Variants in EHMT1 observed in about 807,000 individuals in gnomAD.
EHMT1 encodes histone-lysine N-methyltransferase EHMT1.
EHMT1 carries 15 observed loss-of-function variants against 147.2 expected under a neutral mutation model. The ratio of observed to expected loss-of-function variants is 0.10; its 90% CI spans 0.07 to 0.16. The LOEUF (loss-of-function observed/expected upper bound fraction) is 0.16, where lower values mean the gene tolerates loss of function less well. Ranked by LOEUF, EHMT1 falls within the 10% of genes least tolerant of loss-of-function variation. The probability of loss-of-function intolerance (pLI) is 1.00; values close to 1 mark genes in which losing one functional copy is unlikely to be tolerated. For synonymous variants in EHMT1, 795 were observed against 709.6 expected (o/e 1.12, Z -1.91); for missense variants, 1,587 against 1,772.4 (o/e 0.90, Z 1.88).
chr9:137,670,715 T>C lies in EHMT1; in HGVS notation c.22-40252T>C, dbSNP rs993326173. On this transcript the variant is annotated intron_variant, in intron 1 of 26. Transcript: ENST00000460843. ...TCACTGAGGCCCTGCCCCTCCTGGC[T>C]CCAGTTCCTACGGGCCTGTCTGCGC... Among the ~76,000 whole-genome samples, 7 of 152,308 alleles carry C rather than the reference T, an allele frequency of 4.6e-5. No homozygotes were observed. The East Asian group carries it at 1.4e-3, about 29-fold the overall frequency.
Position 137,743,707 on chromosome 9 carries a change from G to A in EHMT1, c.981+179G>A, listed in dbSNP as rs373918501. 1.8e-3 allele frequency among the ~76,000 whole-genome samples: 276 copies of A among 152,262 alleles called. 1 individual carries two copies. The highest frequency in any genetic ancestry group is 6.1e-3 in the African/African-American group (255 of 41,570). Reference sequence around the variant, plus strand: ...AGATCATTGTGGGGGACTCCACCCCGTCCTCCCTGCCCTCCTCACCACAGC... The same window carrying A: ...AGATCATTGTGGGGGACTCCACCCCATCCTCCCTGCCCTCCTCACCACAGC... On this transcript the variant is annotated intron_variant, in intron 5 of 26. Coordinates refer to ENST00000460843, the MANE Select transcript of EHMT1 (RefSeq NM_024757.5).
At chr9:137,830,087 T>C (rs1215162779) in intron 25 of EHMT1, among the ~76,000 whole-genome samples, 2 of 150,764 alleles carry the variant, frequency 1.3e-5, no homozygotes, top group Non-Finnish European at 1.5e-5. Context: ...TAATGTGGGC[T>C]CATGGATTTT....
At chr9:137,728,611 C>T (rs549162838) in intron 4 of EHMT1, 82 bp downstream of exon 4, 2 of 1,567,316 alleles carry the variant, frequency 1.3e-6, no homozygotes, top group Non-Finnish European at 1.8e-6. Flanking sequence ...TTCTGTTTGG[C>T]TGTAAGTGCC....
intron 18 of EHMT1, among the ~76,000 whole-genome samples, chr9:137,804,909 T>C (rs1202962581): frequency 2.0e-5 from 3 of 152,236 alleles, no homozygotes; most frequent in African/African-American, 4.8e-5. Context: ...CCATGTGTTA[T>C]TCCACATGTG....
At chr9:137,670,140 G>T (rs978585510) in intron 1 of EHMT1, among the ~76,000 whole-genome samples, 3 of 152,178 alleles carry the variant, frequency 2.0e-5, no homozygotes. Context: ...GATTACAGGC[G>T]TGAGCCACCG....
chr9:137,784,088 G>T, intron 15 of EHMT1: 1 of 1,233,434 alleles, frequency 8.1e-7, no homozygotes, highest in South Asian at 1.3e-5. Context: ...ATAAAGAAAA[G>T]AAATTTATTT....
At chr9:137,814,321 A>G (rs941282404) in intron 21 of EHMT1, 110 bp from the exon 22 acceptor site, 37 of 1,193,134 alleles carry the variant, frequency 3.1e-5, no homozygotes, top group African/African-American at 6.0e-5. Flanking sequence ...GCCTTTGAGA[A>G]GCACTTACCA....
At chr9:137,750,768 C>T (rs1948902854) in intron 6 of EHMT1, among the ~76,000 whole-genome samples, 1 of 152,080 alleles carries the variant, frequency 6.6e-6, no homozygotes, top group African/African-American at 2.4e-5. Context: ...CCGGAGGGGG[C>T]GCGGCTGCCG....
chr9:137,715,285 C>T (rs537018559), intron 2 of EHMT1, among the ~76,000 whole-genome samples: 1 of 152,306 alleles, frequency 6.6e-6, no homozygotes, highest in South Asian at 2.1e-4. Flanking sequence ...TATACATCTG[C>T]TGCAGGATTT....
intron 1 of EHMT1, among the ~76,000 whole-genome samples, chr9:137,699,230 A>G (rs1420252225): frequency 6.6e-6 from 1 of 152,268 alleles, no homozygotes; most frequent in Non-Finnish European, 1.5e-5. Context: ...AAAAGCATCT[A>G]ACATCTAATG....
chr9:137,742,112 C>T (rs140503240), intron 4 of EHMT1, among the ~76,000 whole-genome samples: 208 of 152,284 alleles, frequency 1.4e-3, no homozygotes, highest in African/African-American at 4.2e-3. Context: ...ATACTGCAGA[C>T]GCCTGGTGTG....
intron 1 of EHMT1, among the ~76,000 whole-genome samples, chr9:137,683,345 G>A (rs1043147369): frequency 6.6e-6 from 1 of 152,246 alleles, no homozygotes; most frequent in Non-Finnish European, 1.5e-5. Context: ...GGTGCCCCCA[G>A]GGAATTAATA....
At chr9:137,778,850 T>C (rs1015101988) in intron 13 of EHMT1, among the ~76,000 whole-genome samples, 1 of 152,204 alleles carries the variant, frequency 6.6e-6, no homozygotes, top group Non-Finnish European at 1.5e-5. Context: ...GGAAGCATGG[T>C]GCTGGCATCT....
chr9:137,669,296 G>A (rs1223355651), intron 1 of EHMT1, among the ~76,000 whole-genome samples: 1 of 81,546 alleles, frequency 1.2e-5, no homozygotes, highest in Middle Eastern at 6.0e-3. Context: ...TGCTTAAAGA[G>A]CAGACTGAGG....
chr9:137,621,330 A>C (rs1842930699), intron 1 of EHMT1, among the ~76,000 whole-genome samples: 1 of 152,188 alleles, frequency 6.6e-6, no homozygotes, highest in African/African-American at 2.4e-5. Context: ...TAAAGTAATA[A>C]AGCTGACACT....
intron 8 of EHMT1, among the ~76,000 whole-genome samples, chr9:137,755,119 T>A (rs930822243): frequency 6.6e-6 from 1 of 152,144 alleles, no homozygotes; most frequent in Admixed American, 6.5e-5. Flanking sequence ...AGAAATAAAT[T>A]ACACAATTTG....
At chr9:137,677,216 C>T (rs12551649) in intron 1 of EHMT1, among the ~76,000 whole-genome samples, 24,857 of 152,016 alleles carry the variant, frequency 0.16, 2,354 homozygotes, top group Admixed American at 0.31. Flanking sequence ...TCATTGCAAC[C>T]TCCACCTCCC....
At chr9:137,758,284 C>T (rs566101941) in intron 9 of EHMT1, among the ~76,000 whole-genome samples, 1 of 152,342 alleles carries the variant, frequency 6.6e-6, no homozygotes, top group Non-Finnish European at 1.5e-5. Context: ...GTGGGTCAGG[C>T]GTGCTCCGTG....
intron 1 of EHMT1, among the ~76,000 whole-genome samples, chr9:137,642,479 T>G (rs1844565523): frequency 7.2e-6 from 1 of 138,694 alleles, no homozygotes; most frequent in African/African-American, 3.5e-5. Context: ...CATTGCTTTC[T>G]TCTTTTGTGT....
Sources: gnomAD v4.1 joint callset for allele counts (sites outside exome capture counted in the v4.1 genomes callset) on GRCh38, gnomAD v4.1.1 for gene constraint, MANE v1.5 for transcripts, NCBI Gene and HGNC (gene_info 2026-07-23, HGNC 2026-07-21) for gene names.